Variants in MCPH1 observed in about 807,000 individuals in gnomAD.
MCPH1 encodes the protein microcephalin.
MCPH1 carries 104 observed loss-of-function variants against 84.5 expected under a neutral mutation model. That is an observed-to-expected ratio of 1.23 (90% CI 1.05 to 1.45). The LOEUF is 1.45. MCPH1 is among the 40% of genes most tolerant of loss of function. The pLI is 0.00. For missense variants in MCPH1, 1,498 were observed against 1,005.7 expected, an observed-to-expected ratio of 1.49 and a Z score of -6.62; for synonymous variants, 514 against 366.8, an observed-to-expected ratio of 1.40 and a Z score of -4.58.
intron 11 of MCPH1, 113 bp downstream of exon 11, chr8:6,480,989 C>T: frequency 7.9e-7 from 1 of 1,261,382 alleles, no homozygotes; most frequent in Non-Finnish European, 1.1e-6. Flanking sequence ...TGGATCTGCA[C>T]ACTTTCCTGT....
intron 12 of MCPH1, chr8:6,519,825 T>A: frequency 6.2e-7 from 1 of 1,608,460 alleles, no homozygotes; most frequent in Middle Eastern, 1.7e-4. Context: ...GTGGCCTGCC[T>A]AGAGCCAGGG....
chr8:6,616,733 G>A (rs1234658552), intron 12 of MCPH1: 1 of 152,246 alleles, frequency 6.6e-6, no homozygotes, highest in African/African-American at 2.4e-5. Context: ...CATTAGCAGA[G>A]GAAAGCTGGA....
At chr8:6,437,041 C>G (rs759161657) in intron 5 of MCPH1, among the ~76,000 whole-genome samples, 11 of 152,030 alleles carry the variant, frequency 7.2e-5, no homozygotes, top group Non-Finnish European at 1.3e-4. Flanking sequence ...GCCTTTTTCA[C>G]TGTCGTCTAA....
At chr8:6,521,054 G>T (rs1817240981) in intron 12 of MCPH1, 5 of 667,848 alleles carry the variant, frequency 7.5e-6, no homozygotes, top group Non-Finnish European at 1.2e-5. Flanking sequence ...TTAATTGGTA[G>T]ATATTTCATA....
chr8:6,531,642 T>C (rs1169051740), intron 12 of MCPH1, among the ~76,000 whole-genome samples: 1 of 152,194 alleles, frequency 6.6e-6, no homozygotes, highest in Non-Finnish European at 1.5e-5. Flanking sequence ...CACTAGCTCA[T>C]AGAATCTCAC....
intron 10 of MCPH1, among the ~76,000 whole-genome samples, chr8:6,478,194 T>A (rs537105526): frequency 6.6e-6 from 1 of 152,320 alleles, no homozygotes; most frequent in Non-Finnish European, 1.5e-5. Context: ...TTTTAAGACA[T>A]CCATCAAAAC....
At chr8:6,558,646 A>G (rs1825030915) in intron 12 of MCPH1, among the ~76,000 whole-genome samples, 1 of 152,162 alleles carries the variant, frequency 6.6e-6, no homozygotes. Flanking sequence ...GACTATATGG[A>G]TTATCTAGTG....
intron 2 of MCPH1, among the ~76,000 whole-genome samples, chr8:6,414,227 C>G (rs1425894399): frequency 6.6e-6 from 1 of 152,150 alleles, no homozygotes; most frequent in Non-Finnish European, 1.5e-5. Context: ...AGGCTGGTCT[C>G]AAACTGCTGA....
At chr8:6,419,002 G>A (rs1799733435) in intron 3 of MCPH1, among the ~76,000 whole-genome samples, 3 of 152,096 alleles carry the variant, frequency 2.0e-5, no homozygotes, top group Non-Finnish European at 2.9e-5. Context: ...TGGGATTATA[G>A]TTTTAAATAT....
At chr8:6,537,491 A>G (rs1285167197) in intron 12 of MCPH1, among the ~76,000 whole-genome samples, 1 of 152,066 alleles carries the variant, frequency 6.6e-6, no homozygotes, top group Non-Finnish European at 1.5e-5. Context: ...ATAGTCTTTA[A>G]AACTTGGCAG....
intron 9 of MCPH1, among the ~76,000 whole-genome samples, chr8:6,475,257 G>A (rs1808297183): frequency 6.6e-6 from 1 of 152,252 alleles, no homozygotes. Flanking sequence ...AAATGCTGGG[G>A]AGCAGGGTGC....
intron 9 of MCPH1, among the ~76,000 whole-genome samples, chr8:6,470,680 A>G (rs903783094): frequency 3.3e-5 from 5 of 152,244 alleles, no homozygotes; most frequent in Non-Finnish European, 7.3e-5. Context: ...CCCATGAGTA[A>G]CTCATGAATA....
At chr8:6,513,767 C>T (rs749079158) in intron 12 of MCPH1, 3 of 1,614,002 alleles carry the variant, frequency 1.9e-6, no homozygotes, top group East Asian at 4.5e-5. Context: ...GTATTTTAAG[C>T]ACATAGCGTT....
At chr8:6,529,030 T>C (rs912174666) in intron 12 of MCPH1, among the ~76,000 whole-genome samples, 2 of 152,218 alleles carry the variant, frequency 1.3e-5, no homozygotes, top group Non-Finnish European at 2.9e-5. Context: ...ACTGGAAAAT[T>C]GTGTCCTGTT....
intron 13 of MCPH1, among the ~76,000 whole-genome samples, chr8:6,630,956 C>G (rs146568306): frequency 2.0e-3 from 309 of 152,218 alleles, no homozygotes; most frequent in African/African-American, 6.7e-3. Flanking sequence ...AAACTCTAAC[C>G]TCTCATCCAA....
intron 11 of MCPH1, among the ~76,000 whole-genome samples, chr8:6,490,582 G>C (rs916893579): frequency 1.3e-5 from 2 of 152,120 alleles, no homozygotes; most frequent in East Asian, 3.8e-4. Flanking sequence ...GGAAACTGTT[G>C]TACTTTTTTC....
intron 13 of MCPH1, among the ~76,000 whole-genome samples, chr8:6,637,539 T>C (rs1253507336): frequency 6.6e-6 from 1 of 152,202 alleles, no homozygotes; most frequent in Non-Finnish European, 1.5e-5. Context: ...TCCAGACCAC[T>C]GACACCTTAA....
intron 11 of MCPH1, among the ~76,000 whole-genome samples, chr8:6,488,213 C>T (rs1810161468): frequency 6.6e-6 from 1 of 152,236 alleles, no homozygotes; most frequent in Admixed American, 6.5e-5. Flanking sequence ...CTAGGTCCTC[C>T]ATCCCCCTGT....
intron 12 of MCPH1, among the ~76,000 whole-genome samples, chr8:6,598,563 G>A (rs1008363143): frequency 2.6e-5 from 4 of 152,178 alleles, no homozygotes; most frequent in African/African-American, 9.7e-5. Flanking sequence ...AGCTCTCCTC[G>A]GGGCAAAGCA....
Sources: allele counts gnomAD v4.1 joint callset (sites outside exome capture counted in the v4.1 genomes callset), GRCh38; gene constraint gnomAD v4.1.1; transcripts MANE v1.5; gene names NCBI Gene and HGNC (gene_info 2026-07-23, HGNC 2026-07-21).